NEDD4L: variants seen among roughly 807,000 people sequenced by gnomAD.
The protein encoded by NEDD4L is NEDD4 like E3 ubiquitin protein ligase.
A neutral mutation model predicts 148.9 loss-of-function variants in NEDD4L; 54 were observed. That is an observed-to-expected ratio of 0.36 (90% CI 0.29 to 0.45). The LOEUF (loss-of-function observed/expected upper bound fraction) is 0.45. Among genes scored for constraint, NEDD4L ranks in the 20% least tolerant of loss-of-function variants. NEDD4L has a pLI of 1.00. For synonymous variants in NEDD4L, 433 were observed against 440.7 expected, an observed-to-expected ratio of 0.98 and a Z score of 0.22; for missense variants, 856 against 1,233.8, an observed-to-expected ratio of 0.69 and a Z score of 4.59.
chr18:58,328,973 T>C (rs1555813834), intron 9 of NEDD4L, 22 bp from the exon 10 acceptor site: 1 of 1,613,698 alleles, frequency 6.2e-7, no homozygotes, highest in Non-Finnish European at 8.5e-7. Context: ...TTCTTCTCTT[T>C]CCCCCTTTCC....
intron 16 of NEDD4L, 105 bp downstream of exon 16, chr18:58,343,208 G>C: frequency 4.6e-6 from 4 of 865,478 alleles, no homozygotes; most frequent in Non-Finnish European, 6.3e-6. Context: ...TGGATTGACT[G>C]TAAAGGGTGT....
chr18:58,376,109 A>G (rs1050078623), intron 24 of NEDD4L, among the ~76,000 whole-genome samples: 2 of 152,196 alleles, frequency 1.3e-5, no homozygotes, highest in African/African-American at 4.8e-5. Flanking sequence ...TCAGAAAACT[A>G]TTAAGCCACA....
At chr18:58,198,868 A>G (rs2041053626) in intron 2 of NEDD4L, among the ~76,000 whole-genome samples, 1 of 152,058 alleles carries the variant, frequency 6.6e-6, no homozygotes, top group African/African-American at 2.4e-5. Context: ...GCAGTGGCGC[A>G]ATCTCCGCTC....
intron 7 of NEDD4L, among the ~76,000 whole-genome samples, chr18:58,322,995 C>T (rs1487427117): frequency 7.8e-6 from 1 of 127,556 alleles, no homozygotes; most frequent in Admixed American, 8.4e-5. Flanking sequence ...GCCCTGCGTG[C>T]TGTGGGTATA....
At chr18:58,107,228 A>G (rs1195930225) in intron 1 of NEDD4L, among the ~76,000 whole-genome samples, 2 of 152,214 alleles carry the variant, frequency 1.3e-5, no homozygotes, top group Non-Finnish European at 2.9e-5. Context: ...TTATACAGTC[A>G]CACTCCGAGG....
intron 5 of NEDD4L, among the ~76,000 whole-genome samples, chr18:58,260,522 A>T (rs1172391447): frequency 3.9e-5 from 6 of 152,208 alleles, no homozygotes; most frequent in African/African-American, 1.4e-4. Context: ...TTGTGGAGGC[A>T]TTATCTCACT....
intron 2 of NEDD4L, among the ~76,000 whole-genome samples, chr18:58,176,095 AAT>A (rs2038106123): frequency 6.6e-6 from 1 of 151,954 alleles, no homozygotes. Flanking sequence ...GCATGCAGGG[AAT>A]ATATGATCAG....
intron 24 of NEDD4L, among the ~76,000 whole-genome samples, chr18:58,382,705 G>A (rs1312733220): frequency 6.6e-6 from 1 of 152,174 alleles, no homozygotes; most frequent in Non-Finnish European, 1.5e-5. Flanking sequence ...GGGCAGATGA[G>A]TGAGGAGAAG....
At chr18:58,059,944 C>G (rs910012347) in intron 1 of NEDD4L, among the ~76,000 whole-genome samples, 15 of 151,966 alleles carry the variant, frequency 9.9e-5, no homozygotes, top group African/African-American at 3.1e-4. Context: ...CACAATAGCC[C>G]TTTGAGGTAG....
At chr18:58,211,974 C>G (rs2042641693) in intron 2 of NEDD4L, among the ~76,000 whole-genome samples, 1 of 152,010 alleles carries the variant, frequency 6.6e-6, no homozygotes, top group Non-Finnish European at 1.5e-5. Flanking sequence ...GTAATAAGTC[C>G]CGGAATCTTC....
At chr18:58,348,326 C>CTTTTTT (rs771263533) in intron 16 of NEDD4L, among the ~76,000 whole-genome samples, 1,104 of 88,550 alleles carry the variant, frequency 0.012, 131 homozygotes, top group African/African-American at 0.056. Flanking sequence ...TCTTTTTTTT[C>CTTTTTT]TTTTTTTTTT....
chr18:58,199,430 C>T (rs1186767936), intron 2 of NEDD4L, among the ~76,000 whole-genome samples: 1 of 152,056 alleles, frequency 6.6e-6, no homozygotes, highest in Admixed American at 6.6e-5. Context: ...TTCTACATTG[C>T]ACAGGATGGC....
At chr18:58,302,522 C>A (rs2056615660) in intron 5 of NEDD4L, among the ~76,000 whole-genome samples, 1 of 152,206 alleles carries the variant, frequency 6.6e-6, no homozygotes, top group African/African-American at 2.4e-5. Flanking sequence ...ATGAATTGAA[C>A]CACTGGCTTT....
chr18:58,268,401 A>G (rs1171475355), intron 5 of NEDD4L, among the ~76,000 whole-genome samples: 1 of 152,082 alleles, frequency 6.6e-6, no homozygotes, highest in Non-Finnish European at 1.5e-5. Flanking sequence ...CCTTAGAGAA[A>G]GATGGCCTCC....
intron 1 of NEDD4L, among the ~76,000 whole-genome samples, chr18:58,078,008 G>A (rs2083256879): frequency 1.0e-5 from 1 of 97,770 alleles, no homozygotes; most frequent in Non-Finnish European, 2.0e-5. Context: ...CTGAGGCTGA[G>A]AAACGTATTT....
intron 5 of NEDD4L, chr18:58,255,301 A>T: frequency 5.3e-6 from 1 of 189,640 alleles, no homozygotes; most frequent in Non-Finnish European, 1.0e-5. Context: ...GTGCTGTTTC[A>T]GGCTCTTGCT....
chr18:58,326,661 A>T (rs2059336764), intron 9 of NEDD4L, among the ~76,000 whole-genome samples: 1 of 152,230 alleles, frequency 6.6e-6, no homozygotes, highest in South Asian at 2.1e-4. Flanking sequence ...CTGAAAAGGT[A>T]GATCCTCATG....
At chr18:58,152,894 A>G (rs931098521) in intron 1 of NEDD4L, among the ~76,000 whole-genome samples, 1 of 152,068 alleles carries the variant, frequency 6.6e-6, no homozygotes, top group African/African-American at 2.4e-5. Flanking sequence ...GCAAGTACCT[A>G]GTACCTGCAA....
At chr18:58,325,249 A>C (rs2059209027) in intron 9 of NEDD4L, 87 bp downstream of exon 9, 2 of 1,486,536 alleles carry the variant, frequency 1.3e-6, no homozygotes, top group Non-Finnish European at 1.9e-6. Flanking sequence ...CAAGGCTGGG[A>C]AATAAATCAT....
Sources: allele counts gnomAD v4.1 joint callset (sites outside exome capture counted in the v4.1 genomes callset), GRCh38; gene constraint gnomAD v4.1.1; transcripts MANE v1.5; gene names NCBI Gene and HGNC (gene_info 2026-07-23, HGNC 2026-07-21).